Variants in ARHGEF4 observed in about 807,000 individuals in gnomAD.
ARHGEF4 encodes the protein APC-stimulated guanine nucleotide exchange factor 1.
A neutral mutation model predicts 162.0 loss-of-function variants in ARHGEF4; 119 were observed. The observed-to-expected ratio is 0.73, with a 90% confidence interval of 0.63 to 0.86. ARHGEF4 has a LOEUF of 0.86. Ranked by LOEUF, ARHGEF4 falls within the 40% of genes least tolerant of loss-of-function variation. The pLI is 0.00. For missense variants in ARHGEF4, 2,488 were observed against 2,456.0 expected (o/e 1.01, Z -0.28); for synonymous variants, 1,014 against 979.9 (o/e 1.03, Z -0.65).
intron 5 of ARHGEF4, among the ~76,000 whole-genome samples, chr2:131,037,281 A>C (rs1690369836): frequency 6.6e-6 from 1 of 152,208 alleles, no homozygotes; most frequent in South Asian, 2.1e-4. Context: ...TTGCTTGCTC[A>C]GGACCCCTGG....
chr2:130,998,014 G>A (rs1381548978), intron 4 of ARHGEF4, among the ~76,000 whole-genome samples: 1 of 152,102 alleles, frequency 6.6e-6, no homozygotes, highest in Non-Finnish European at 1.5e-5. Context: ...CACTCTGTGT[G>A]TCATGAGCCA....
chr2:130,872,368 G>A (rs1052092002), intron 1 of ARHGEF4, among the ~76,000 whole-genome samples: 1 of 152,084 alleles, frequency 6.6e-6, no homozygotes, highest in Non-Finnish European at 1.5e-5. Flanking sequence ...GCAGATGAAC[G>A]TTTGAAATTG....
chr2:131,004,183 T>C (rs934333984), intron 4 of ARHGEF4, among the ~76,000 whole-genome samples: 3 of 152,176 alleles, frequency 2.0e-5, no homozygotes, highest in African/African-American at 7.2e-5. Flanking sequence ...GGGGTTTTTT[T>C]GAGACGGAGT....
intron 3 of ARHGEF4, among the ~76,000 whole-genome samples, chr2:130,931,684 T>G (rs931234106): frequency 1.3e-5 from 2 of 152,270 alleles, no homozygotes; most frequent in Non-Finnish European, 2.9e-5. Context: ...AAAGTCATTA[T>G]GTTGTCCATT....
rs561182052 is a variant in ARHGEF4, at chr2:130,917,107, C to T, written c.3161C>T (p.Ala1054Val). Residue 1054 changes from alanine to valine, a missense_variant, in exon 2 of 14, where the codon GCG becomes GTG. By Grantham distance (64) the Ala-to-Val change is moderately conservative. This residue lies in a region of ARHGEF4 where 1,642 missense variants were observed against 1,481.5 expected (regional missense o/e 1.11). Coordinates refer to ENST00000409359, the MANE Select transcript of ARHGEF4 (RefSeq NM_001367493.1). ...SGIFPEKSWL[A>V]SPGSPRAQQA... ...ATCTTTCCGGAAAAGTCCTGGCTGG[C>T]GTCCCCCGGCAGCCCTCGGGCCCAG... 5.2e-6 allele frequency: 8 copies of T among 1,550,380 alleles called. No individual in the cohort carries two copies. The highest frequency in any genetic ancestry group is 4.1e-5 in the African/African-American group (3 of 73,128).
chr2:130,935,629 G>A (rs1161356358), intron 3 of ARHGEF4, among the ~76,000 whole-genome samples: 2 of 151,770 alleles, frequency 1.3e-5, no homozygotes, highest in Admixed American at 1.3e-4. Flanking sequence ...TTTCTTTCTT[G>A]TGAAATCTTA....
chr2:130,984,219 TC>T (rs897539583), intron 4 of ARHGEF4, among the ~76,000 whole-genome samples: 2 of 152,046 alleles, frequency 1.3e-5, no homozygotes, highest in African/African-American at 4.8e-5. Flanking sequence ...CTCCCCAGAC[TC>T]CAAAGAACAT....
chr2:130,889,664 T>A (rs1679736944), intron 1 of ARHGEF4, among the ~76,000 whole-genome samples: 1 of 150,682 alleles, frequency 6.6e-6, no homozygotes, highest in East Asian at 1.9e-4. Context: ...TACAAAAAAT[T>A]AGCTGGGTGT....
At chr2:130,881,638 G>T (rs1039987774) in intron 1 of ARHGEF4, among the ~76,000 whole-genome samples, 1 of 152,090 alleles carries the variant, frequency 6.6e-6, no homozygotes, top group Admixed American at 6.5e-5. Flanking sequence ...GCCATCCTCC[G>T]CAGACGTACA....
chr2:131,025,866 T>C (rs1689448560), intron 4 of ARHGEF4, among the ~76,000 whole-genome samples: 1 of 152,204 alleles, frequency 6.6e-6, no homozygotes, highest in African/African-American at 2.4e-5. Context: ...AAAGTTCATA[T>C]TTTCACCTAT....
chr2:130,887,989 G>C (rs1679624070), intron 1 of ARHGEF4, among the ~76,000 whole-genome samples: 1 of 152,110 alleles, frequency 6.6e-6, no homozygotes, highest in African/African-American at 2.4e-5. Context: ...ATGGGAGGAG[G>C]CAGGTGTGTG....
intron 4 of ARHGEF4, among the ~76,000 whole-genome samples, chr2:130,994,401 A>T (rs1687245714): frequency 2.0e-5 from 3 of 152,224 alleles, no homozygotes; most frequent in South Asian, 4.1e-4. Context: ...CTTAGAAATT[A>T]AATCATGTGG....
At chr2:130,971,606 C>CGAGAT (rs1444218364) in intron 4 of ARHGEF4, among the ~76,000 whole-genome samples, 1 of 137,704 alleles carries the variant, frequency 7.3e-6, no homozygotes, top group Admixed American at 8.4e-5. Flanking sequence ...TGCAGTGAAC[C>CGAGAT]GAGATTGTGC....
chr2:130,979,884 G>T (rs1686005779), intron 4 of ARHGEF4, among the ~76,000 whole-genome samples: 1 of 151,810 alleles, frequency 6.6e-6, no homozygotes, highest in South Asian at 2.1e-4. Flanking sequence ...AATATAAAAT[G>T]TTTACGCTTT....
intron 2 of ARHGEF4, among the ~76,000 whole-genome samples, chr2:130,918,948 T>C (rs13401494): frequency 0.027 from 4,115 of 152,282 alleles, 172 homozygotes; most frequent in African/African-American, 0.092. Flanking sequence ...TCCCACTCCA[T>C]GCAAGGAAAC....
Position 130,915,535 on chromosome 2 carries a change from G to C in ARHGEF4, c.1589G>C (p.Ser530Thr), listed in dbSNP as rs753980352. 1.5e-5 allele frequency: 24 copies of C among 1,550,488 alleles called. No homozygotes were observed. The highest frequency in any genetic ancestry group is 1.9e-5 in the Non-Finnish European group (22 of 1,147,014). The change falls in exon 2 of 14, where the codon AGT becomes ACT. Residue 530 changes from serine to threonine, a missense_variant. Transcript: ENST00000409359. ...TRAKFPRQPS[S>T]EGTQVWSGDL... is the part of the protein sequence containing the mutation. ...GCCAAGTTCCCACGGCAGCCTAGCA[G>C]TGAGGGGACCCAGGTGTGGAGTGGA...
At chr2:130,994,164 C>G (rs966351141) in intron 4 of ARHGEF4, among the ~76,000 whole-genome samples, 2 of 152,112 alleles carry the variant, frequency 1.3e-5, no homozygotes, top group East Asian at 1.9e-4. Flanking sequence ...AGATAATAAC[C>G]TTTGTCTTTT....
chr2:130,869,687 A>G (rs962072784), intron 1 of ARHGEF4, among the ~76,000 whole-genome samples: 3 of 152,206 alleles, frequency 2.0e-5, no homozygotes, highest in Non-Finnish European at 4.4e-5. Flanking sequence ...AGGCAGGGGA[A>G]TGCCAGGCAG....
At chr2:130,901,065 C>T (rs1304501340) in intron 1 of ARHGEF4, among the ~76,000 whole-genome samples, 1 of 152,138 alleles carries the variant, frequency 6.6e-6, no homozygotes, top group Non-Finnish European at 1.5e-5. Context: ...GTGGGCTTCC[C>T]ACTCTGTCTC....
Sources: allele counts gnomAD v4.1 joint callset (sites outside exome capture counted in the v4.1 genomes callset), GRCh38; gene constraint gnomAD v4.1.1; regional missense constraint gnomAD v4.1.1; transcripts MANE v1.5; gene names NCBI Gene and HGNC (gene_info 2026-07-23, HGNC 2026-07-21).